Variants in MAST4 observed in about 807,000 individuals in gnomAD.
The protein encoded by MAST4 is microtubule-associated serine/threonine-protein kinase 4.
In MAST4, 89 loss-of-function variants were observed where a neutral mutation model predicts 162.7. That is an observed-to-expected ratio of 0.55 (90% confidence interval 0.46 to 0.65). The LOEUF (loss-of-function observed/expected upper bound fraction) is 0.65, where lower values mean the gene tolerates loss of function less well. MAST4 is among the 30% of genes least tolerant of loss of function. The pLI, the probability that MAST4 is intolerant of heterozygous loss-of-function variation, is 0.00. For missense variants in MAST4, 3,153 were observed against 3,374.0 expected (o/e 0.93, Z 1.62); for synonymous variants, 1,479 against 1,361.1 (o/e 1.09, Z -1.91).
rs1179651348 is a variant in MAST4 at position 66,958,161 on chromosome 5, GAA to G, written c.674+58181_674+58182del. ...TGTGTGAAAGAGAAAGAGAGAGAGA[GAA>G]AGAGAGAGAAAGAGAAAGAGATGCC... On this transcript the variant is annotated intron_variant, in intron 4 of 28. Transcript: ENST00000403625. Among the ~76,000 whole-genome samples, 8 of 152,228 alleles carry G rather than the reference GAA, an allele frequency of 5.3e-5. No homozygotes were observed. The South Asian group carries it at 1.5e-3, about 28-fold the overall frequency.
chr5:66,913,735 T>G (rs1225353299), intron 4 of MAST4, among the ~76,000 whole-genome samples: 1 of 152,244 alleles, frequency 6.6e-6, no homozygotes, highest in Non-Finnish European at 1.5e-5. Context: ...AAAGGTTTTC[T>G]CATATGTTTT....
At chr5:66,828,730 T>C in intron 3 of MAST4, 1 of 1,491,576 alleles carries the variant, frequency 6.7e-7, no homozygotes, top group Non-Finnish European at 9.1e-7. Flanking sequence ...TCCAATCAGC[T>C]AGAGCGTGAT....
At chr5:66,837,024 ATGTGTGTG>A (rs56366963) in intron 3 of MAST4, among the ~76,000 whole-genome samples, 2 of 150,212 alleles carry the variant, frequency 1.3e-5, no homozygotes, top group Non-Finnish European at 3.0e-5. Flanking sequence ...ATGCAGGATC[ATGTGTGTG>A]TGTGTGTGTG....
intron 4 of MAST4, among the ~76,000 whole-genome samples, chr5:66,945,208 G>A (rs982284855): frequency 6.6e-6 from 1 of 152,104 alleles, no homozygotes; most frequent in East Asian, 1.9e-4. Flanking sequence ...GAGACTGATT[G>A]GGTCAAGATA....
chr5:66,866,895 G>A (rs986934133), intron 3 of MAST4, among the ~76,000 whole-genome samples: 3 of 151,526 alleles, frequency 2.0e-5, no homozygotes, highest in Admixed American at 6.6e-5. Flanking sequence ...GACCATAGGC[G>A]TGGGCTACCA....
intron 4 of MAST4, chr5:66,917,162 G>T: frequency 1.8e-6 from 1 of 549,016 alleles, no homozygotes; most frequent in South Asian, 3.0e-5. Flanking sequence ...ATTACCCCTG[G>T]TCATTACTTT....
intron 1 of MAST4, among the ~76,000 whole-genome samples, chr5:66,750,623 C>T (rs367795837): frequency 8.5e-5 from 13 of 152,326 alleles, no homozygotes; most frequent in East Asian, 3.9e-4. Context: ...GATTATATCC[C>T]GCACCTGGCT....
intron 1 of MAST4, among the ~76,000 whole-genome samples, chr5:66,755,671 T>C (rs916316701): frequency 6.6e-6 from 1 of 152,244 alleles, no homozygotes; most frequent in African/African-American, 2.4e-5. Context: ...ATAAAAATTC[T>C]ACATATGTAT....
At chr5:66,979,221 C>A (rs1345843559) in intron 4 of MAST4, among the ~76,000 whole-genome samples, 2 of 152,070 alleles carry the variant, frequency 1.3e-5, no homozygotes, top group African/African-American at 4.8e-5. Flanking sequence ...TGGAGATGCA[C>A]CCTAGGGAGA....
chr5:66,633,931 C>T (rs1182689315), intron 1 of MAST4, among the ~76,000 whole-genome samples: 1 of 152,138 alleles, frequency 6.6e-6, no homozygotes, highest in East Asian at 1.9e-4. Context: ...CCCTGTGAAA[C>T]CCTTATTTAC....
At chr5:66,753,079 A>G (rs1449848818) in intron 1 of MAST4, among the ~76,000 whole-genome samples, 7 of 151,372 alleles carry the variant, frequency 4.6e-5, no homozygotes, top group African/African-American at 1.7e-4. Context: ...TGAAGGCAGA[A>G]ATAAAGATGT....
intron 4 of MAST4, chr5:66,917,242 T>C (rs975129425): frequency 8.3e-6 from 4 of 483,654 alleles, no homozygotes; most frequent in African/African-American, 3.8e-5. Context: ...TTTACATTTC[T>C]CTTTTCTTCA....
chr5:66,761,367 A>G (rs1753842780), intron 2 of MAST4, among the ~76,000 whole-genome samples: 1 of 152,222 alleles, frequency 6.6e-6, no homozygotes, highest in African/African-American at 2.4e-5. Context: ...GTAACTCACC[A>G]CTTAAAATTG....
At chr5:67,107,959 A>G (rs1561661927) in intron 10 of MAST4, among the ~76,000 whole-genome samples, 2 of 152,238 alleles carry the variant, frequency 1.3e-5, no homozygotes, top group African/African-American at 4.8e-5. Context: ...CTTGCTGGTA[A>G]CAGCCAGGAA....
chr5:66,833,199 A>G (rs1054869311), intron 3 of MAST4, among the ~76,000 whole-genome samples: 20 of 152,178 alleles, frequency 1.3e-4, no homozygotes, highest in African/African-American at 4.6e-4. Flanking sequence ...ATAAACCACA[A>G]CGTTGTCATC....
At chr5:66,963,687 G>GA (rs1338603810) in intron 4 of MAST4, 1 of 779,578 alleles carries the variant, frequency 1.3e-6, no homozygotes, top group Non-Finnish European at 2.4e-6. Context: ...CACTTGGAAT[G>GA]ACGTTATTTT....
At chr5:66,630,730 A>T (rs1261727231) in intron 1 of MAST4, among the ~76,000 whole-genome samples, 1 of 152,146 alleles carries the variant, frequency 6.6e-6, no homozygotes, top group Non-Finnish European at 1.5e-5. Flanking sequence ...TCATTATCTC[A>T]GTTTTCTCAG....
chr5:67,042,285 C>T (rs867403458), intron 4 of MAST4, among the ~76,000 whole-genome samples: 2 of 152,082 alleles, frequency 1.3e-5, no homozygotes, highest in African/African-American at 2.4e-5. Context: ...ATTCTGTTAC[C>T]CCACAAATAA....
At chr5:66,766,200 T>C (rs1247091448) in intron 2 of MAST4, among the ~76,000 whole-genome samples, 2 of 152,222 alleles carry the variant, frequency 1.3e-5, no homozygotes, top group Admixed American at 1.3e-4. Context: ...TCCTGCATTC[T>C]ACAGCTGTGA....
Sources: gnomAD v4.1 joint callset for allele counts (sites outside exome capture counted in the v4.1 genomes callset) on GRCh38, gnomAD v4.1.1 for gene constraint, MANE v1.5 for transcripts, NCBI Gene and HGNC (gene_info 2026-07-23, HGNC 2026-07-21) for gene names.